Variants in CLIC6 observed in about 807,000 individuals in gnomAD.
CLIC6 encodes the protein chloride intracellular channel protein 6.
Under a neutral mutation model 49.2 loss-of-function variants are expected in CLIC6, and 39 were observed. The ratio of observed to expected loss-of-function variants is 0.79; its 90% confidence interval spans 0.61 to 1.04. CLIC6 has a LOEUF of 1.04. CLIC6 is among the 50% of genes least tolerant of loss of function. CLIC6 has a pLI of 0.00. For missense variants in CLIC6, 988 were observed against 993.1 expected (o/e 0.99, Z 0.07); for synonymous variants, 446 against 433.4 (o/e 1.03, Z -0.36).
At chr21:34,699,503 A>T (rs1204444926) in intron 1 of CLIC6, among the ~76,000 whole-genome samples, 2 of 151,168 alleles carry the variant, frequency 1.3e-5, no homozygotes, top group African/African-American at 4.9e-5. Context: ...AGCTCAAGCA[A>T]TCTGCCCACC....
At position 34,716,767 on chromosome 21, in the gene CLIC6, A is replaced by C. The variant is rs567028557; in HGVS notation, c.*285A>C. On this transcript the variant is annotated 3_prime_UTR_variant, in exon 6 of 6. Coordinates refer to ENST00000349499, the MANE Select transcript of CLIC6 (RefSeq NM_053277.3). The stretch of plus-strand genomic sequence containing the variant: ...GAAGGACATTTTAACAATCGCCTTC[A>C]ATTTTACTCCACTTAATTACCGAAA... The C allele has an allele frequency of 2.1e-4, 43 of 201,032 alleles. No individual in the cohort carries two copies. Among genetic ancestry groups the C allele is most frequent in the Non-Finnish European group, 3.4e-4 (34 of 100,296 alleles). The allele number at this position is 201,032 out of a possible 1,614,324, so 12.5% of individuals were successfully genotyped here. A position where few individuals can be genotyped will look rare whatever the true frequency, so the allele number is the denominator to read the frequency against.
At position 34,708,739 on chromosome 21, in the gene CLIC6, C is replaced by T. The variant is rs61733872; in HGVS notation, c.1650C>T (p.Ser550=). 5.0e-4 allele frequency: 807 copies of T among 1,614,100 alleles called. 1 individual carries two copies. The African/African-American group carries it at 7.0e-3, about 14-fold the overall frequency. The change falls in exon 4 of 6, where the codon TCC becomes TCT. Residue 550 remains serine (S), a synonymous_variant. Transcript: ENST00000349499. The part of the protein sequence containing the change: ...KLGTQHPESN[S]AGNDVFAKFS... Reference sequence around the variant, plus strand: ...GGACCCAACATCCCGAATCTAATTCCGCAGGAAATGACGTGTTTGCCAAAT... The same window carrying T: ...GGACCCAACATCCCGAATCTAATTCTGCAGGAAATGACGTGTTTGCCAAAT...
At chr21:34,693,975 C>CTTT (rs71196904) in intron 1 of CLIC6, among the ~76,000 whole-genome samples, 30 of 124,640 alleles carry the variant, frequency 2.4e-4, no homozygotes, top group African/African-American at 8.4e-4. Context: ...TTGTTGTTTT[C>CTTT]TTTTTTTTTT....
chr21:34,702,933 T>C (rs888327053), intron 1 of CLIC6, among the ~76,000 whole-genome samples: 6 of 152,160 alleles, frequency 3.9e-5, no homozygotes, highest in Admixed American at 6.5e-5. Context: ...CCTCACTCTG[T>C]CTCTGACTCT....
chr21:34,678,896 T>G (rs966993631), intron 1 of CLIC6, among the ~76,000 whole-genome samples: 1 of 152,212 alleles, frequency 6.6e-6, no homozygotes, highest in African/African-American at 2.4e-5. Flanking sequence ...TTTTTCTCCC[T>G]AGAGATAACC....
intron 5 of CLIC6, among the ~76,000 whole-genome samples, chr21:34,710,670 A>G (rs1257388917): frequency 6.6e-6 from 1 of 152,080 alleles, no homozygotes; most frequent in Non-Finnish European, 1.5e-5. Context: ...AAAATTAGCC[A>G]GGTGTGGTGG....
chr21:34,701,284 G>C (rs1038069782), intron 1 of CLIC6, among the ~76,000 whole-genome samples: 5 of 135,346 alleles, frequency 3.7e-5, no homozygotes, highest in Non-Finnish European at 7.7e-5. Flanking sequence ...AGTCCGGCCT[G>C]GGCGACAGAG....
chr21:34,669,273 G>C lies in CLIC6; in HGVS notation c.-116G>C. 2.3e-6 allele frequency: 2 copies of C among 878,772 alleles called. No homozygotes were observed. The highest frequency in any genetic ancestry group is 3.0e-6 in the Non-Finnish European group (2 of 666,108). 54.4% of individuals were successfully genotyped at this position (878,772 alleles called of 1,614,324 possible). A position where few individuals can be genotyped will look rare whatever the true frequency, so the allele number is the denominator to read the frequency against. ...GCTAAACCTTTGCCGCAGGATCCCG[G>C]AGCCGGCGTCCTTCAAGGAGCACAG... On this transcript the variant is annotated 5_prime_UTR_variant, in exon 1 of 6. Coordinates refer to ENST00000349499, the MANE Select transcript of CLIC6 (RefSeq NM_053277.3).
intron 5 of CLIC6, among the ~76,000 whole-genome samples, chr21:34,713,956 C>A (rs1218740422): frequency 6.6e-6 from 1 of 152,062 alleles, no homozygotes; most frequent in Non-Finnish European, 1.5e-5. Context: ...CAGACTGGCC[C>A]CAGATGTCTT....
chr21:34,688,446 C>T (rs1026501661), intron 1 of CLIC6, among the ~76,000 whole-genome samples: 6 of 152,250 alleles, frequency 3.9e-5, no homozygotes, highest in African/African-American at 1.4e-4. Context: ...TTCCCCTGGC[C>T]TTACAGAGAG....
chr21:34,683,541 T>C (rs1032642213), intron 1 of CLIC6, among the ~76,000 whole-genome samples: 2 of 152,206 alleles, frequency 1.3e-5, no homozygotes, highest in African/African-American at 2.4e-5. Flanking sequence ...TGATATGGTT[T>C]GGCTCTTTGT....
At chr21:34,678,275 CAA>C (rs375990037) in intron 1 of CLIC6, among the ~76,000 whole-genome samples, 2,320 of 122,860 alleles carry the variant, frequency 0.019, 65 homozygotes, top group African/African-American at 0.065. Context: ...ACTAAAAATA[CAA>C]AAAAAAAAAA....
intron 1 of CLIC6, among the ~76,000 whole-genome samples, chr21:34,674,615 T>C (rs59349099): frequency 0.031 from 4,759 of 152,308 alleles, 251 homozygotes; most frequent in African/African-American, 0.11. Flanking sequence ...CAGGAACATA[T>C]AGAACCAGCC....
At chr21:34,678,699 T>C (rs1407266478) in intron 1 of CLIC6, among the ~76,000 whole-genome samples, 3 of 152,188 alleles carry the variant, frequency 2.0e-5, no homozygotes, top group African/African-American at 4.8e-5. Context: ...ACATAAAATG[T>C]AGGTTAAATG....
At chr21:34,710,597 A>G (rs2056049876) in intron 5 of CLIC6, among the ~76,000 whole-genome samples, 1 of 152,102 alleles carries the variant, frequency 6.6e-6, no homozygotes, top group Non-Finnish European at 1.5e-5. Context: ...GCAGGTCACG[A>G]AGTCAGGAGA....
chr21:34,675,426 G>T (rs1989645411), intron 1 of CLIC6, among the ~76,000 whole-genome samples: 1 of 152,112 alleles, frequency 6.6e-6, no homozygotes, highest in Non-Finnish European at 1.5e-5. Flanking sequence ...TTGGTCTCCA[G>T]GGAGCTTGAA....
At chr21:34,690,584 C>T (rs989863095) in intron 1 of CLIC6, among the ~76,000 whole-genome samples, 1 of 152,112 alleles carries the variant, frequency 6.6e-6, no homozygotes, top group African/African-American at 2.4e-5. Flanking sequence ...TGTTCATCTG[C>T]AGGTGGCAGA....
chr21:34,679,132 A>G (rs1989728144), intron 1 of CLIC6, among the ~76,000 whole-genome samples: 1 of 152,224 alleles, frequency 6.6e-6, no homozygotes, highest in Non-Finnish European at 1.5e-5. Flanking sequence ...AGACTGGATA[A>G]TTTATAAAGG....
intron 1 of CLIC6, among the ~76,000 whole-genome samples, chr21:34,678,903 A>G (rs1989724484): frequency 6.6e-6 from 1 of 152,240 alleles, no homozygotes; most frequent in Admixed American, 6.5e-5. Context: ...CCCTAGAGAT[A>G]ACCACCAAAT....
Sources: gnomAD v4.1 joint callset for allele counts (sites outside exome capture counted in the v4.1 genomes callset) on GRCh38, gnomAD v4.1.1 for gene constraint, MANE v1.5 for transcripts, NCBI Gene and HGNC (gene_info 2026-07-23, HGNC 2026-07-21) for gene names.